The following NXN variants were observed in gnomAD, a reference collection of about 807,000 sequenced individuals.
The protein encoded by NXN is nucleoredoxin.
A neutral mutation model predicts 48.6 loss-of-function variants in NXN; 16 were observed. The observed-to-expected ratio is 0.33, with a 90% CI of 0.22 to 0.50. The LOEUF (loss-of-function observed/expected upper bound fraction) is 0.50, where lower values mean the gene tolerates loss of function less well. Ranked by LOEUF, NXN falls within the 20% of genes least tolerant of loss-of-function variation. The probability of loss-of-function intolerance (pLI) is 0.98; values close to 1 mark genes in which losing one functional copy is unlikely to be tolerated. For missense variants in NXN, 492 were observed against 605.5 expected, an observed-to-expected ratio of 0.81 and a Z score of 1.97; for synonymous variants, 281 against 269.6, an observed-to-expected ratio of 1.04 and a Z score of -0.41.
chr17:883,658 C>G (rs2068309976), intron 1 of NXN, among the ~76,000 whole-genome samples: 1 of 152,382 alleles, frequency 6.6e-6, no homozygotes, highest in South Asian at 2.1e-4. Flanking sequence ...GGAAGGCTCA[C>G]AGGGCAAGGA....
At chr17:873,582 A>G (rs1409415538) in intron 1 of NXN, among the ~76,000 whole-genome samples, 2 of 151,460 alleles carry the variant, frequency 1.3e-5, no homozygotes, top group Non-Finnish European at 2.9e-5. Context: ...GAGAATATAC[A>G]ACGTGAATAT....
intron 1 of NXN, among the ~76,000 whole-genome samples, chr17:946,255 G>A (rs997831984): frequency 7.4e-5 from 8 of 107,458 alleles, no homozygotes; most frequent in South Asian, 6.3e-4. Flanking sequence ...TGCAAGCTCC[G>A]CCTCCCGGGT....
At chr17:808,046 G>A (rs1911675968) in intron 5 of NXN, among the ~76,000 whole-genome samples, 1 of 152,202 alleles carries the variant, frequency 6.6e-6, no homozygotes, top group South Asian at 2.1e-4. Flanking sequence ...GGTTACACTG[G>A]GGACAGGACC....
intron 1 of NXN, among the ~76,000 whole-genome samples, chr17:951,956 C>T (rs2069116294): frequency 6.6e-6 from 1 of 152,216 alleles, no homozygotes; most frequent in Non-Finnish European, 1.5e-5. Context: ...ACGCAGCTCC[C>T]GCCTGCCCTG....
intron 1 of NXN, among the ~76,000 whole-genome samples, chr17:971,225 C>A (rs1046231857): frequency 9.2e-5 from 14 of 151,920 alleles, no homozygotes; most frequent in African/African-American, 2.7e-4. Flanking sequence ...GGATTACAGG[C>A]GTGAGCCACC....
At chr17:922,782 G>C (rs1052203351) in intron 1 of NXN, among the ~76,000 whole-genome samples, 10 of 151,860 alleles carry the variant, frequency 6.6e-5, no homozygotes, top group African/African-American at 2.2e-4. Flanking sequence ...CTCCCGAGTA[G>C]CTGGGACTAC....
chr17:835,410 A>G (rs1913758400), intron 1 of NXN, among the ~76,000 whole-genome samples: 2 of 152,146 alleles, frequency 1.3e-5, no homozygotes, highest in South Asian at 4.1e-4. Context: ...ACAGAGAACA[A>G]AGAAAAAAAA....
chr17:817,451 C>CTT lies in NXN; in HGVS notation c.820+1987_820+1988insAA, dbSNP rs1567815523. On this transcript the variant is annotated intron_variant, in intron 5 of 7. Coordinates refer to ENST00000336868, the MANE Select transcript of NXN (RefSeq NM_022463.5). Reference sequence around the variant, plus strand: ...TTGGGAGGCCGAGGTGGGCGGATCACAAGGTCAAGAGATCGAGACCATCCT... The same window carrying CTT: ...TTGGGAGGCCGAGGTGGGCGGATCACTTAAGGTCAAGAGATCGAGACCATCCT... 6.4e-4 allele frequency among the ~76,000 whole-genome samples: 97 copies of CTT among 151,978 alleles called. 1 individual carries two copies. Among genetic ancestry groups the CTT allele is most frequent in the African/African-American group, 2.3e-3 (94 of 41,382 alleles).
rs1191847273 is a variant in NXN at position 961,475 on chromosome 17, A to G, written c.360+17844T>C. ...CCCTTCCATGATTGTTAACATTCAG[A>G]GGATTTCCAGGGTCTCACTAGGATA... On this transcript the variant is annotated intron_variant, in intron 1 of 7. Transcript: ENST00000336868. Among the ~76,000 whole-genome samples, 3 of 152,214 alleles carry G rather than the reference A, an allele frequency of 2.0e-5. No individual in the cohort carries two copies. The East Asian group carries it at 5.8e-4, about 29-fold the overall frequency.
At chr17:839,056 T>C (rs1298936609) in intron 1 of NXN, among the ~76,000 whole-genome samples, 2 of 152,042 alleles carry the variant, frequency 1.3e-5, no homozygotes, top group Non-Finnish European at 2.9e-5. Context: ...ATGAGTAAAA[T>C]GAGGATAATA....
intron 5 of NXN, among the ~76,000 whole-genome samples, chr17:812,173 C>T (rs2467269): frequency 0.36 from 54,842 of 151,100 alleles, 10,082 homozygotes; most frequent in East Asian, 0.53. Context: ...GTGATCCGCC[C>T]GCCTCGGCCT....
At chr17:876,856 G>A (rs1336008939) in intron 1 of NXN, among the ~76,000 whole-genome samples, 6 of 152,002 alleles carry the variant, frequency 3.9e-5, no homozygotes, top group Non-Finnish European at 7.4e-5. Flanking sequence ...AGACCAGCCT[G>A]GCCAACACAG....
At chr17:886,598 G>A (rs1333939785) in intron 1 of NXN, among the ~76,000 whole-genome samples, 1 of 152,086 alleles carries the variant, frequency 6.6e-6, no homozygotes, top group Non-Finnish European at 1.5e-5. Flanking sequence ...CCAATGTGGT[G>A]AAACCCCATC....
intron 7 of NXN, among the ~76,000 whole-genome samples, chr17:801,473 T>C: frequency 7.3e-6 from 1 of 137,480 alleles, no homozygotes; most frequent in Non-Finnish European, 1.5e-5. Context: ...TGAGATGGAG[T>C]CTCGCTCTGT....
At chr17:914,491 G>T (rs2068667351) in intron 1 of NXN, among the ~76,000 whole-genome samples, 1 of 152,166 alleles carries the variant, frequency 6.6e-6, no homozygotes, top group Non-Finnish European at 1.5e-5. Context: ...TCTTTTTAAG[G>T]CGAGAAGTAT....
chr17:879,368 T>C (rs1448734061), intron 1 of NXN, among the ~76,000 whole-genome samples: 1 of 149,712 alleles, frequency 6.7e-6, no homozygotes, highest in Non-Finnish European at 1.5e-5. Context: ...CAGCTCACTA[T>C]AGCCTCCGTC....
intron 1 of NXN, among the ~76,000 whole-genome samples, chr17:845,400 CGAGA>C (rs2067849206): frequency 6.6e-6 from 1 of 151,524 alleles, no homozygotes; most frequent in Non-Finnish European, 1.5e-5. Flanking sequence ...ACTCAACATC[CGAGA>C]GAGAATTCCA....
intron 1 of NXN, among the ~76,000 whole-genome samples, chr17:954,374 C>T (rs1447521670): frequency 1.3e-5 from 2 of 152,110 alleles, no homozygotes; most frequent in Non-Finnish European, 2.9e-5. Context: ...GAGCAAGACT[C>T]CATCTCCAAA....
At chr17:942,455 C>T (rs1408719663) in intron 1 of NXN, among the ~76,000 whole-genome samples, 2 of 58,412 alleles carry the variant, frequency 3.4e-5, no homozygotes, top group African/African-American at 6.0e-5. Context: ...GAACAAGATT[C>T]CAGGGTGCAG....
Sources: allele counts gnomAD v4.1 joint callset (sites outside exome capture counted in the v4.1 genomes callset), GRCh38; gene constraint gnomAD v4.1.1; transcripts MANE v1.5; gene names NCBI Gene and HGNC (gene_info 2026-07-23, HGNC 2026-07-21).